The following TRDN variants were observed in gnomAD, a reference collection of about 807,000 sequenced individuals.
TRDN encodes triadin in skeletal muscle.
In TRDN, 161 loss-of-function variants were observed where a neutral mutation model predicts 149.7. That is an observed-to-expected ratio of 1.08 (90% CI 0.95 to 1.23). The LOEUF is 1.23. Among genes scored for constraint, TRDN ranks in the 50% most tolerant of loss-of-function variants. The pLI, the probability that TRDN is intolerant of heterozygous loss-of-function variation, is 0.00. For missense variants in TRDN, 896 were observed against 823.5 expected (o/e 1.09, Z -1.08); for synonymous variants, 294 against 250.5 (o/e 1.17, Z -1.64).
intron 1 of TRDN, among the ~76,000 whole-genome samples, chr6:123,633,627 A>G (rs1284760362): frequency 6.6e-6 from 1 of 152,002 alleles, no homozygotes; most frequent in African/African-American, 2.4e-5. Flanking sequence ...AATTATCTTT[A>G]TTAATTTATT....
At chr6:123,285,340 G>C (rs1777764220) in intron 24 of TRDN, among the ~76,000 whole-genome samples, 1 of 152,040 alleles carries the variant, frequency 6.6e-6, no homozygotes, top group Non-Finnish European at 1.5e-5. Context: ...TATAAAAATA[G>C]GCACAAAGAC....
At chr6:123,410,753 T>C (rs1773398409) in intron 12 of TRDN, among the ~76,000 whole-genome samples, 1 of 151,990 alleles carries the variant, frequency 6.6e-6, no homozygotes, top group Non-Finnish European at 1.5e-5. Context: ...GAGGGTGAAA[T>C]AGAATGTGTA....
At chr6:123,257,526 T>C (rs1047303511) in intron 35 of TRDN, among the ~76,000 whole-genome samples, 6 of 152,160 alleles carry the variant, frequency 3.9e-5, no homozygotes, top group African/African-American at 9.7e-5. Context: ...ACCAGTACCA[T>C]GCTGTTTTGG....
chr6:123,466,591 T>C (rs567388718), intron 9 of TRDN, among the ~76,000 whole-genome samples: 2 of 151,810 alleles, frequency 1.3e-5, no homozygotes, highest in African/African-American at 4.8e-5. Flanking sequence ...GAGTGAAGCC[T>C]CTACTCTAGG....
intron 38 of TRDN, among the ~76,000 whole-genome samples, chr6:123,250,740 C>T (rs1776345519): frequency 6.6e-6 from 1 of 151,956 alleles, no homozygotes; most frequent in South Asian, 2.1e-4. Context: ...CTTACTACTA[C>T]TACTGCTATT....
intron 4 of TRDN, among the ~76,000 whole-genome samples, chr6:123,534,858 C>G (rs9375262): frequency 0.66 from 100,260 of 151,536 alleles, 33,689 homozygotes; most frequent in East Asian, 0.97. Flanking sequence ...TTGAGGATCA[C>G]TTTACTTAAA....
chr6:123,292,884 C>T (rs9375241), intron 24 of TRDN, among the ~76,000 whole-genome samples: 27,921 of 152,096 alleles, frequency 0.18, 3,391 homozygotes, highest in East Asian at 0.62. Flanking sequence ...TCTCTTCTTC[C>T]TGATTGTAAT....
chr6:123,594,337 C>T (rs1783927412), intron 1 of TRDN, among the ~76,000 whole-genome samples: 1 of 152,136 alleles, frequency 6.6e-6, no homozygotes, highest in South Asian at 2.1e-4. Context: ...TTTATTCTTT[C>T]ATCAAAAATC....
chr6:123,333,967 T>C (rs1779763886), intron 22 of TRDN, among the ~76,000 whole-genome samples: 2 of 152,022 alleles, frequency 1.3e-5, no homozygotes, highest in African/African-American at 4.8e-5. Context: ...CGAACATTGT[T>C]ATGGAAAAAT....
intron 12 of TRDN, among the ~76,000 whole-genome samples, chr6:123,431,153 T>C (rs982883765): frequency 4.6e-5 from 7 of 152,214 alleles, no homozygotes; most frequent in Non-Finnish European, 1.0e-4. Flanking sequence ...CAAGACGCTG[T>C]CATCTGAACG....
At chr6:123,418,682 C>T (rs1383410339) in intron 12 of TRDN, 8 of 152,130 alleles carry the variant, frequency 5.3e-5, no homozygotes, top group African/African-American at 1.9e-4. Context: ...ACTCAACCCC[C>T]AACCCCAACA....
chr6:123,420,327 A>C (rs902893965), intron 12 of TRDN, among the ~76,000 whole-genome samples: 4 of 152,170 alleles, frequency 2.6e-5, no homozygotes, highest in African/African-American at 7.2e-5. Context: ...GCTGAAATAC[A>C]AGCAGCCTTT....
intron 25 of TRDN, 59 bp from the exon 26 acceptor site, chr6:123,278,406 T>C (rs1777455114): frequency 9.9e-7 from 1 of 1,005,112 alleles, no homozygotes; most frequent in Non-Finnish European, 1.4e-6. Flanking sequence ...ATTTCCTATA[T>C]ACTTGTGCAT....
At chr6:123,384,348 A>T (rs910611706) in intron 14 of TRDN, among the ~76,000 whole-genome samples, 3 of 152,156 alleles carry the variant, frequency 2.0e-5, no homozygotes, top group African/African-American at 4.8e-5. Context: ...CTGCCCAAGC[A>T]GTTCTGTGTT....
chr6:123,488,722 T>C (rs2114789859), intron 9 of TRDN: 1 of 151,852 alleles, frequency 6.6e-6, no homozygotes, highest in Middle Eastern at 3.4e-3. Flanking sequence ...TTTTTTTTTT[T>C]TTTCTAGATT....
At chr6:123,257,284 A>C (rs1362813045) in intron 35 of TRDN, among the ~76,000 whole-genome samples, 1 of 151,922 alleles carries the variant, frequency 6.6e-6, no homozygotes, top group East Asian at 1.9e-4. Flanking sequence ...GGCATGTTTA[A>C]ATCTTTAATC....
Position 123,445,906 on chromosome 6 carries a change from A to C in TRDN, c.932-6903T>G, listed in dbSNP as rs1051135274. 1.0e-3 allele frequency among the ~76,000 whole-genome samples: 141 copies of C among 139,430 alleles called. 4 individuals are homozygous for C. The highest frequency in any genetic ancestry group is 4.0e-3 in the African/African-American group (134 of 33,746). 91.5% of individuals were successfully genotyped at this position (139,430 alleles called of 152,430 possible). A position where few individuals can be genotyped will look rare whatever the true frequency, so the allele number is the denominator to read the frequency against. ...ACTGGATATATACCCAAAGGACTAT[A>C]AATCATGCTGCTATAAAGACACATG... On this transcript the variant is annotated intron_variant, in intron 10 of 40. Transcript: ENST00000334268.
chr6:123,361,526 A>G (rs12111485), intron 20 of TRDN, among the ~76,000 whole-genome samples: 12,388 of 151,860 alleles, frequency 0.082, 1,694 homozygotes, highest in African/African-American at 0.28. Flanking sequence ...AATAAAAAAA[A>G]AGAGAGAGAG....
intron 23 of TRDN, among the ~76,000 whole-genome samples, chr6:123,318,062 A>G (rs1236583496): frequency 6.6e-6 from 1 of 151,980 alleles, no homozygotes; most frequent in Admixed American, 6.6e-5. Flanking sequence ...TCCTGGTGCT[A>G]TGTTTTGTCT....
Sources: allele counts gnomAD v4.1 joint callset (sites outside exome capture counted in the v4.1 genomes callset), GRCh38; gene constraint gnomAD v4.1.1; transcripts MANE v1.5; gene names NCBI Gene and HGNC (gene_info 2026-07-23, HGNC 2026-07-21).